The following ACACA variants were observed in gnomAD, a reference collection of about 807,000 sequenced individuals.
ACACA encodes acetyl-CoA carboxylase alpha.
ACACA carries 103 observed loss-of-function variants against 296.1 expected under a neutral mutation model. The ratio of observed to expected loss-of-function variants is 0.35; its 90% CI spans 0.30 to 0.41. The LOEUF is 0.41. Ranked by LOEUF, ACACA falls within the 10% of genes least tolerant of loss-of-function variation. The pLI is 1.00. For synonymous variants in ACACA, 953 were observed against 1,038.6 expected (o/e 0.92, Z 1.58); for missense variants, 1,554 against 2,989.7 (o/e 0.52, Z 11.20).
chr17:37,284,731 C>T, intron 4 of ACACA, 107 bp downstream of exon 4: 1 of 1,478,078 alleles, frequency 6.8e-7, no homozygotes, highest in East Asian at 2.3e-5. Context: ...AGAGGCAAAG[C>T]CTCTGAGAAA....
chr17:37,256,633 G>A (rs1330251173), intron 14 of ACACA, among the ~76,000 whole-genome samples: 2 of 152,132 alleles, frequency 1.3e-5, no homozygotes, highest in South Asian at 2.1e-4. Context: ...TCAAGAGGCT[G>A]AGGCAAAAGG....
In ACACA at chr17:37,089,677, T is replaced by C. The variant is rs1042712738; in HGVS notation, c.6892-603A>G. On this transcript the variant is annotated intron_variant, in intron 54 of 55. Transcript: ENST00000616317. ...CAGGTCAGAAACCTAAGCCCCATTT[T>C]ATTACCTATGAGAGTATTCGAAAGG... Among the ~76,000 whole-genome samples, 9 of 152,292 alleles carry C rather than the reference T, an allele frequency of 5.9e-5. No homozygotes were observed. The South Asian group carries it at 8.3e-4, about 14-fold the overall frequency.
At chr17:37,321,793 A>T (rs1249389004) in intron 3 of ACACA, among the ~76,000 whole-genome samples, 1 of 151,622 alleles carries the variant, frequency 6.6e-6, no homozygotes, top group African/African-American at 2.4e-5. Context: ...CAAATACAAA[A>T]ATTAGCCGGG....
At position 37,113,133 on chromosome 17, in the gene ACACA, G is replaced by A. The variant is rs756354779; in HGVS notation, c.6407C>T (p.Ser2136Phe). Residue 2136 changes from serine (S) to phenylalanine (F), a missense_variant, in exon 51 of 56, where the codon TCC becomes TTC. Ser to Phe is a radical substitution (Grantham distance 155). Around this residue, in one of 16 missense-constraint regions of ACACA, gnomAD observed 553 missense variants for 1,043.6 expected, o/e 0.53. Coordinates refer to ENST00000616317, the MANE Select transcript of ACACA (RefSeq NM_198834.3). This position sits in a 1 kb window ranked among gnomAD's most constrained non-coding sequence, Gnocchi z 4.0. Reference protein sequence around the residue: ...RGGSWVVIDSSINPRHMEMYA... With the variant: ...RGGSWVVIDSFINPRHMEMYA... Reference sequence around the variant, plus strand: ...CATCTCCATGTGCCGGGGGTTGATGGAGGAGTCAATCACCACCCAGGAGCC... The same window carrying A: ...CATCTCCATGTGCCGGGGGTTGATGAAGGAGTCAATCACCACCCAGGAGCC... The A allele has an allele frequency of 6.2e-7, 1 of 1,614,182 alleles. No homozygotes were observed.
intron 41 of ACACA, among the ~76,000 whole-genome samples, chr17:37,166,473 C>G (rs1230610814): frequency 6.6e-6 from 1 of 152,118 alleles, no homozygotes; most frequent in Non-Finnish European, 1.5e-5. Flanking sequence ...AAATACTTAA[C>G]ACCAAGGGCT....
At chr17:37,263,946 T>C (rs986141819) in intron 10 of ACACA, 52 bp from the exon 11 acceptor site, 2 of 1,478,254 alleles carry the variant, frequency 1.4e-6, no homozygotes, top group Non-Finnish European at 1.9e-6. Flanking sequence ...TTTAAACTTT[T>C]TATCTATCTT....
intron 1 of ACACA, among the ~76,000 whole-genome samples, chr17:37,377,361 G>A (rs2050045705): frequency 6.6e-6 from 1 of 151,978 alleles, no homozygotes. Context: ...TATTTGGCTG[G>A]GTGTTCTTTT....
At chr17:37,389,635 C>T (rs542039257) in intron 1 of ACACA, among the ~76,000 whole-genome samples, 3 of 151,142 alleles carry the variant, frequency 2.0e-5, no homozygotes, top group Middle Eastern at 3.4e-3. Context: ...TGCAGTGAGC[C>T]GAGATTGTGC....
intron 43 of ACACA, among the ~76,000 whole-genome samples, chr17:37,154,703 G>A (rs2076170658): frequency 6.6e-6 from 1 of 151,968 alleles, no homozygotes; most frequent in African/African-American, 2.4e-5. Context: ...CTCCATGTTG[G>A]CCAGGCTGGT....
rs372356309 is a variant in ACACA at position 37,226,447 on chromosome 17, C to A, written c.3252G>T (p.Gln1084His). The change falls in exon 26 of 56, where the codon CAG (glutamine) becomes CAT (histidine). Residue 1084 changes from glutamine to histidine, a missense_variant. By Grantham distance (24) the Gln-to-His change is conservative. Coordinates refer to ENST00000616317, the MANE Select transcript of ACACA (RefSeq NM_198834.3). Reference sequence around the variant, plus strand: ...TGAGAGTAGGGTCCCGGCCACACAACTGATCCTAATTGTTAATGTAAAAAA... The same window carrying A: ...TGAGAGTAGGGTCCCGGCCACACAAATGATCCTAATTGTTAATGTAAAAAA... ...KNLLVTMLID[Q>H]LCGRDPTLTD... 14 of 1,612,610 alleles carry A rather than the reference C, an allele frequency of 8.7e-6. No homozygotes were observed. The East Asian group carries it at 2.9e-4, about 33-fold the overall frequency.
chr17:37,229,834 C>T (rs914420792), intron 25 of ACACA, among the ~76,000 whole-genome samples: 2 of 151,766 alleles, frequency 1.3e-5, no homozygotes, highest in African/African-American at 4.8e-5. Flanking sequence ...CTTTGGGAGG[C>T]CGAGGTGGGC....
At chr17:37,280,762 C>CACA (rs58463366) in intron 5 of ACACA, among the ~76,000 whole-genome samples, 7 of 145,020 alleles carry the variant, frequency 4.8e-5, no homozygotes, top group African/African-American at 1.9e-4. Flanking sequence ...CACACACACA[C>CACA]CCCAAAAAAC....
At chr17:37,232,465 T>C (rs1411359467) in intron 25 of ACACA, among the ~76,000 whole-genome samples, 2 of 152,072 alleles carry the variant, frequency 1.3e-5, no homozygotes, top group African/African-American at 4.8e-5. Flanking sequence ...TCTTACCAGC[T>C]ACTACCATTA....
At chr17:37,173,557 G>A (rs979979863) in intron 41 of ACACA, among the ~76,000 whole-genome samples, 1 of 152,080 alleles carries the variant, frequency 6.6e-6, no homozygotes, top group Non-Finnish European at 1.5e-5. Flanking sequence ...ATTTGTTTAA[G>A]CTGGTCAGTA....
intron 3 of ACACA, among the ~76,000 whole-genome samples, chr17:37,315,596 C>T (rs935619931): frequency 2.0e-5 from 3 of 152,174 alleles, no homozygotes; most frequent in Admixed American, 2.0e-4. Flanking sequence ...TGACCCCTTC[C>T]TCGTGTTTGA....
chr17:37,353,476 T>C (rs1184793525), intron 1 of ACACA, among the ~76,000 whole-genome samples: 2 of 151,088 alleles, frequency 1.3e-5, no homozygotes, highest in Non-Finnish European at 1.5e-5. Flanking sequence ...CCCTGTCTAC[T>C]AAAAATACAA....
intron 39 of ACACA, 76 bp downstream of exon 39, chr17:37,188,201 G>T: frequency 2.2e-6 from 3 of 1,376,782 alleles, no homozygotes; most frequent in Non-Finnish European, 3.1e-6. Context: ...GTGAGTGTGG[G>T]TCTTCTATAA....
intron 50 of ACACA, among the ~76,000 whole-genome samples, chr17:37,120,531 C>T (rs1036005048): frequency 2.0e-5 from 3 of 152,132 alleles, no homozygotes; most frequent in African/African-American, 7.2e-5. Flanking sequence ...TCCCAAAGTG[C>T]TGGGATTACA....
intron 1 of ACACA, among the ~76,000 whole-genome samples, chr17:37,351,776 C>T (rs1438028672): frequency 1.3e-5 from 2 of 152,146 alleles, no homozygotes; most frequent in Admixed American, 1.3e-4. Context: ...TGGTCTTGTA[C>T]TGCTGGCCTC....
Sources: allele counts gnomAD v4.1 joint callset (sites outside exome capture counted in the v4.1 genomes callset), GRCh38; gene constraint gnomAD v4.1.1; regional missense constraint gnomAD v4.1.1; non-coding constraint Gnocchi (gnomAD v3.1); transcripts MANE v1.5; gene names NCBI Gene and HGNC (gene_info 2026-07-23, HGNC 2026-07-21).